Variants in TJP1 observed in about 807,000 individuals in gnomAD.
The protein encoded by TJP1 is tight junction protein 1.
TJP1 carries 43 observed loss-of-function variants against 194.2 expected under a neutral mutation model. That is an observed-to-expected ratio of 0.22 (90% confidence interval 0.17 to 0.29). The LOEUF (loss-of-function observed/expected upper bound fraction) is 0.29. Ranked by LOEUF, TJP1 falls within the 10% of genes least tolerant of loss-of-function variation. The pLI is 1.00. For synonymous variants in TJP1, 801 were observed against 779.0 expected (o/e 1.03, Z -0.47); for missense variants, 1,971 against 2,185.7 (o/e 0.90, Z 1.96).
intron 23 of TJP1, among the ~76,000 whole-genome samples, chr15:29,714,008 G>C (rs528040900): frequency 1.3e-4 from 20 of 152,260 alleles, no homozygotes; most frequent in Non-Finnish European, 2.6e-4. Context: ...TTCCAGAGCT[G>C]TGTTAATGAA....
intron 2 of TJP1, among the ~76,000 whole-genome samples, chr15:29,903,698 C>T (rs2053709765): frequency 6.6e-6 from 1 of 152,220 alleles, no homozygotes; most frequent in Non-Finnish European, 1.5e-5. Flanking sequence ...CCCGCCTCGG[C>T]CTCCCAAAGT....
At chr15:29,912,219 G>A (rs57665699) in intron 2 of TJP1, among the ~76,000 whole-genome samples, 9,483 of 152,170 alleles carry the variant, frequency 0.062, 336 homozygotes, top group South Asian at 0.11. Context: ...CTACTCTCAC[G>A]GCCTAATCAC....
chr15:29,768,013 C>T (rs1206732837), intron 4 of TJP1, among the ~76,000 whole-genome samples: 1 of 152,214 alleles, frequency 6.6e-6, no homozygotes, highest in Non-Finnish European at 1.5e-5. Context: ...AATTAATCTT[C>T]TATTTCTCTG....
At chr15:29,944,077 T>G (rs1475036038) in intron 2 of TJP1, among the ~76,000 whole-genome samples, 1 of 123,540 alleles carries the variant, frequency 8.1e-6, no homozygotes, top group African/African-American at 2.7e-5. Context: ...TTTAAATTTA[T>G]TTATTTATTT....
At chr15:29,775,852 G>A (rs1462958212) in intron 2 of TJP1, among the ~76,000 whole-genome samples, 1 of 151,942 alleles carries the variant, frequency 6.6e-6, no homozygotes, top group African/African-American at 2.4e-5. Flanking sequence ...TAAATAAAAG[G>A]CTTAAACGGC....
chr15:29,868,022 C>T (rs1020993727), intron 2 of TJP1, among the ~76,000 whole-genome samples: 9 of 144,386 alleles, frequency 6.2e-5, no homozygotes, highest in African/African-American at 2.3e-4. Flanking sequence ...CACACCACTG[C>T]ACTCCAGCTT....
intron 2 of TJP1, among the ~76,000 whole-genome samples, chr15:29,857,456 A>G (rs2051902342): frequency 6.6e-6 from 1 of 152,212 alleles, no homozygotes; most frequent in African/African-American, 2.4e-5. Context: ...TCCTGATTCA[A>G]CCATTCTTTC....
At position 29,761,643 on chromosome 15, in the gene TJP1, G is replaced by C; in HGVS notation, c.820C>G (p.Leu274Val). ...ERATLLNVPD[L>V]SDSIHSANAS... ...TTAGCAGAGTGGATGCTGTCAGAAA[G>C]ATCAGGGACATTCAATAGCGTAGCC... The change falls in exon 7 of 28, where the codon CTT becomes GTT. Residue 274 changes from leucine (L) to valine (V), a missense_variant. Physicochemically the swap from Leu to Val is conservative, Grantham distance 32. Transcript: ENST00000614355. The C allele has an allele frequency of 6.2e-7, 1 of 1,609,568 alleles. No individual in the cohort carries two copies. Among genetic ancestry groups the C allele is most frequent in the Non-Finnish European group, 8.5e-7 (1 of 1,176,352 alleles).
chr15:29,822,221 G>A lies in TJP1; in HGVS notation c.-193C>T, dbSNP rs1265823573. The A allele has an allele frequency of 2.3e-5, 27 of 1,177,496 alleles. No homozygotes were observed. The highest frequency in any genetic ancestry group is 6.8e-4 in the Middle Eastern group (2 of 2,962). The allele number at this position is 1,177,496 out of a possible 1,614,324, so 72.9% of individuals were successfully genotyped here. A position where few individuals can be genotyped will look rare whatever the true frequency, so the allele number is the denominator to read the frequency against. ...CAAAAGTCCGGGAAGCGCCCGCCCCGCCCGGGTCTTCTCCACGGGGCGCGC... is the reference window on the plus strand; with the variant it reads ...CAAAAGTCCGGGAAGCGCCCGCCCCACCCGGGTCTTCTCCACGGGGCGCGC... On this transcript the variant is annotated 5_prime_UTR_variant, in exon 1 of 28. Coordinates refer to ENST00000614355, the MANE Select transcript of TJP1 (RefSeq NM_001330239.4).
intron 2 of TJP1, among the ~76,000 whole-genome samples, chr15:29,887,371 G>A (rs1202878864): frequency 6.6e-6 from 1 of 151,270 alleles, no homozygotes; most frequent in African/African-American, 2.4e-5. Context: ...CGCAATCTCG[G>A]CTCACTGCAA....
chr15:29,809,554 C>T (rs966397644), intron 1 of TJP1, among the ~76,000 whole-genome samples: 5 of 152,124 alleles, frequency 3.3e-5, no homozygotes, highest in African/African-American at 1.2e-4. Flanking sequence ...AATTAGAAAA[C>T]ACTAAACATG....
At position 29,761,745 on chromosome 15, in the gene TJP1, T is replaced by A; in HGVS notation, c.718A>T (p.Met240Leu). Residue 240 changes from methionine (M) to leucine (L), a missense_variant, in exon 7 of 28, where the codon ATG becomes TTG. Met to Leu is a conservative substitution (Grantham distance 15, BLOSUM62 2). Coordinates refer to ENST00000614355, the MANE Select transcript of TJP1 (RefSeq NM_001330239.4). ...AATGTCTTTGCATCTGTCAATGACA[T>A]ATTTTCTGTCACAGTACCATTTATC... ...LKINGTVTEN[M>L]SLTDAKTLIE... 1 of 1,577,116 alleles carries A rather than the reference T, an allele frequency of 6.3e-7. No homozygotes were observed. Among genetic ancestry groups the A allele is most frequent in the Non-Finnish European group, 8.7e-7 (1 of 1,152,936 alleles).
chr15:29,807,975 T>A (rs756046407), intron 1 of TJP1, among the ~76,000 whole-genome samples: 5 of 151,966 alleles, frequency 3.3e-5, no homozygotes, highest in African/African-American at 1.2e-4. Flanking sequence ...AAACAAAAAA[T>A]GGGCAAAAGT....
intron 1 of TJP1, among the ~76,000 whole-genome samples, chr15:29,961,425 T>C (rs1472625669): frequency 7.6e-6 from 1 of 132,180 alleles, no homozygotes; most frequent in African/African-American, 2.8e-5. Context: ...CTCGGCTCAC[T>C]GCAAGCTCCG....
chr15:29,747,271 C>T (rs771489649), intron 8 of TJP1, among the ~76,000 whole-genome samples: 5 of 151,952 alleles, frequency 3.3e-5, no homozygotes, highest in Admixed American at 6.6e-5. Flanking sequence ...GGCAAGACAG[C>T]GAGACTTTGT....
intron 2 of TJP1, among the ~76,000 whole-genome samples, chr15:29,895,231 T>C (rs931790071): frequency 2.6e-5 from 4 of 152,220 alleles, no homozygotes; most frequent in Admixed American, 2.6e-4. Flanking sequence ...AGGTTTAGAA[T>C]TGTCCAAATA....
intron 2 of TJP1, among the ~76,000 whole-genome samples, chr15:29,783,847 C>T (rs946344196): frequency 5.3e-5 from 8 of 152,074 alleles, no homozygotes; most frequent in Admixed American, 1.3e-4. Context: ...AGTAACTATT[C>T]GGTACTAGGC....
chr15:29,772,117 C>T lies in TJP1; in HGVS notation c.259G>A (p.Glu87Lys). The change falls in exon 4 of 28, where the codon GAA becomes AAA. Residue 87 changes from glutamate to lysine, a missense_variant. By Grantham distance (56) the Glu-to-Lys change is moderately conservative (BLOSUM62 1). Coordinates refer to ENST00000614355, the MANE Select transcript of TJP1 (RefSeq NM_001330239.4). ...MVNGVSMDNVEHAFAVQQLRK... is the reference protein window; with the variant it reads ...MVNGVSMDNVKHAFAVQQLRK... Reference sequence around the variant, plus strand: ...AGTTGCTGAACAGCAAAAGCATGTTCAACATTATCCATTGAAACTCCGTTA... The same window carrying T: ...AGTTGCTGAACAGCAAAAGCATGTTTAACATTATCCATTGAAACTCCGTTA... 36 of 1,605,062 alleles carry T rather than the reference C, an allele frequency of 2.2e-5. No individual in the cohort carries two copies. Among genetic ancestry groups the T allele is most frequent in the Non-Finnish European group, 3.1e-5 (36 of 1,177,332 alleles).
chr15:29,819,363 G>C (rs2050167004), intron 1 of TJP1, among the ~76,000 whole-genome samples: 1 of 89,790 alleles, frequency 1.1e-5, no homozygotes. Context: ...AAAAGTTATC[G>C]TATCTCTGTG....
Sources: gnomAD v4.1 joint callset for allele counts (sites outside exome capture counted in the v4.1 genomes callset) on GRCh38, gnomAD v4.1.1 for gene constraint, MANE v1.5 for transcripts, NCBI Gene and HGNC (gene_info 2026-07-23, HGNC 2026-07-21) for gene names.